NXPH1: variants seen among roughly 807,000 people sequenced by gnomAD.
NXPH1 encodes the protein neurexophilin 1, also known as neurexophilin-1.
In NXPH1, 5 loss-of-function variants were observed where a neutral mutation model predicts 23.7. That is an observed-to-expected ratio of 0.21 (90% confidence interval 0.11 to 0.44). The LOEUF (loss-of-function observed/expected upper bound fraction) is 0.44, where lower values mean the gene tolerates loss of function less well. Ranked by LOEUF, NXPH1 falls within the 20% of genes least tolerant of loss-of-function variation. The probability of loss-of-function intolerance (pLI) is 0.99; values close to 1 mark genes in which losing one functional copy is unlikely to be tolerated. For synonymous variants in NXPH1, 144 were observed against 122.2 expected, an observed-to-expected ratio of 1.18 and a Z score of -1.18; for missense variants, 324 against 321.6, an observed-to-expected ratio of 1.01 and a Z score of -0.06.
At chr7:8,589,004 G>T (rs1473232779) in intron 2 of NXPH1, among the ~76,000 whole-genome samples, 1 of 152,074 alleles carries the variant, frequency 6.6e-6, no homozygotes, top group Non-Finnish European at 1.5e-5. Context: ...ATCCAAGTTT[G>T]TAATTTAAGA....
At chr7:8,736,651 G>T (rs1780261854) in intron 2 of NXPH1, among the ~76,000 whole-genome samples, 1 of 152,116 alleles carries the variant, frequency 6.6e-6, no homozygotes, top group Non-Finnish European at 1.5e-5. Context: ...AGGTCCTCTT[G>T]GTCCATAGCT....
chr7:8,664,318 C>G (rs756370400), intron 2 of NXPH1, among the ~76,000 whole-genome samples: 1 of 152,000 alleles, frequency 6.6e-6, no homozygotes, highest in Non-Finnish European at 1.5e-5. Context: ...CTTGTATTGC[C>G]CAACTTGTTT....
chr7:8,730,169 C>G (rs1002589626), intron 2 of NXPH1, among the ~76,000 whole-genome samples: 2 of 148,528 alleles, frequency 1.3e-5, no homozygotes, highest in African/African-American at 5.0e-5. Flanking sequence ...CAACCCCTGC[C>G]TTTTTTTGTT....
chr7:8,625,879 G>A (rs1250037970), intron 2 of NXPH1, among the ~76,000 whole-genome samples: 1 of 152,080 alleles, frequency 6.6e-6, no homozygotes, highest in Non-Finnish European at 1.5e-5. Flanking sequence ...TAGATAAATG[G>A]CATAATGGGA....
At chr7:8,471,334 A>C (rs12667662) in intron 2 of NXPH1, among the ~76,000 whole-genome samples, 8,591 of 152,268 alleles carry the variant, frequency 0.056, 469 homozygotes, top group African/African-American at 0.14. Flanking sequence ...GGATTTGTGA[A>C]GAGTAAAAAC....
chr7:8,671,656 G>C (rs1211537394), intron 2 of NXPH1, among the ~76,000 whole-genome samples: 1 of 152,164 alleles, frequency 6.6e-6, no homozygotes, highest in Non-Finnish European at 1.5e-5. Context: ...TTATGTTTTA[G>C]ATAAGTTTGG....
At chr7:8,720,649 A>G (rs533472038) in intron 2 of NXPH1, among the ~76,000 whole-genome samples, 20 of 152,362 alleles carry the variant, frequency 1.3e-4, no homozygotes, top group African/African-American at 4.6e-4. Context: ...CAGTAAAACA[A>G]TTGAATATAA....
intron 2 of NXPH1, among the ~76,000 whole-genome samples, chr7:8,513,172 G>A (rs1355144027): frequency 6.6e-6 from 1 of 152,212 alleles, no homozygotes. Flanking sequence ...GGTGGTCTTT[G>A]AATGGGGTCA....
chr7:8,495,767 C>G (rs954648111), intron 2 of NXPH1, among the ~76,000 whole-genome samples: 1 of 151,950 alleles, frequency 6.6e-6, no homozygotes, highest in African/African-American at 2.4e-5. Flanking sequence ...ATGTTCCTTG[C>G]ATGTGGGAGA....
chr7:8,490,929 A>T (rs770431430), intron 2 of NXPH1, among the ~76,000 whole-genome samples: 6 of 152,120 alleles, frequency 3.9e-5, no homozygotes, highest in African/African-American at 1.4e-4. Context: ...TACAAAATGC[A>T]TAAGAACATT....
At chr7:8,698,142 A>G (rs1465504063) in intron 2 of NXPH1, among the ~76,000 whole-genome samples, 2 of 152,214 alleles carry the variant, frequency 1.3e-5, no homozygotes, top group Non-Finnish European at 2.9e-5. Context: ...AGTCAGAAAT[A>G]CTGGACGTCT....
intron 2 of NXPH1, among the ~76,000 whole-genome samples, chr7:8,522,931 G>A (rs1253947976): frequency 1.3e-5 from 2 of 152,210 alleles, no homozygotes; most frequent in African/African-American, 4.8e-5. Flanking sequence ...ATTGGCTATG[G>A]AGACAGATGA....
At chr7:8,484,097 A>G (rs2128610224) in intron 2 of NXPH1, among the ~76,000 whole-genome samples, 1 of 152,126 alleles carries the variant, frequency 6.6e-6, no homozygotes, top group East Asian at 1.9e-4. Flanking sequence ...ACCAACAAAC[A>G]AATTTCTACA....
chr7:8,583,099 C>T (rs1818913235), intron 2 of NXPH1, among the ~76,000 whole-genome samples: 2 of 151,994 alleles, frequency 1.3e-5, no homozygotes, highest in African/African-American at 2.4e-5. Context: ...GGTGACAGAT[C>T]CCAGCTGTGC....
At chr7:8,653,815 C>T (rs891772905) in intron 2 of NXPH1, among the ~76,000 whole-genome samples, 1 of 152,104 alleles carries the variant, frequency 6.6e-6, no homozygotes. Context: ...ACATGATATA[C>T]CATTGGACTT....
At chr7:8,632,807 G>T (rs1212551386) in intron 2 of NXPH1, among the ~76,000 whole-genome samples, 3 of 152,204 alleles carry the variant, frequency 2.0e-5, no homozygotes, top group South Asian at 2.1e-4. Flanking sequence ...TTTGTTAGAA[G>T]ATTTTGAATA....
intron 2 of NXPH1, among the ~76,000 whole-genome samples, chr7:8,676,104 G>A (rs1400920708): frequency 6.6e-6 from 1 of 152,136 alleles, no homozygotes; most frequent in Non-Finnish European, 1.5e-5. Context: ...AAAGTGTAAA[G>A]TTTTATTGGG....
intron 2 of NXPH1, among the ~76,000 whole-genome samples, chr7:8,561,102 A>G (rs1311816072): frequency 1.3e-5 from 2 of 151,582 alleles, no homozygotes; most frequent in Admixed American, 6.6e-5. Flanking sequence ...GGAATTCTAT[A>G]TACTCTCCCA....
chr7:8,507,593 G>A (rs1014891242), intron 2 of NXPH1, among the ~76,000 whole-genome samples: 2 of 152,058 alleles, frequency 1.3e-5, no homozygotes, highest in African/African-American at 2.4e-5. Context: ...GGATTTTACC[G>A]TATTACATAG....
Sources: allele counts gnomAD v4.1 joint callset (sites outside exome capture counted in the v4.1 genomes callset), GRCh38; gene constraint gnomAD v4.1.1; transcripts MANE v1.5; gene names NCBI Gene and HGNC (gene_info 2026-07-23, HGNC 2026-07-21).